Variants in FOXM1 observed in about 807,000 individuals in gnomAD.
FOXM1 encodes the protein forkhead box protein M1.
A neutral mutation model predicts 63.6 loss-of-function variants in FOXM1; 25 were observed. The observed-to-expected ratio is 0.39, with a 90% CI of 0.29 to 0.55. The LOEUF is 0.55. Ranked by LOEUF, FOXM1 falls within the 20% of genes least tolerant of loss-of-function variation. The pLI is 0.60. For missense variants in FOXM1, 879 were observed against 958.7 expected, an observed-to-expected ratio of 0.92 and a Z score of 1.10; for synonymous variants, 387 against 376.9, an observed-to-expected ratio of 1.03 and a Z score of -0.31.
Position 2,874,263 on chromosome 12 carries a change from G to T in FOXM1, c.216C>A (p.Asn72Lys). 2.5e-6 allele frequency: 4 copies of T among 1,614,206 alleles called. No individual in the cohort carries two copies. Among genetic ancestry groups the T allele is most frequent in the Non-Finnish European group, 3.4e-6 (4 of 1,180,048 alleles). Residue 72 changes from asparagine to lysine, a missense_variant, in exon 2 of 9, where the codon AAC becomes AAA. By Grantham distance (94) the Asn-to-Lys change is moderately conservative (BLOSUM62 0). Coordinates refer to ENST00000359843, the MANE Select transcript of FOXM1 (RefSeq NM_021953.4). The surrounding 1 kb of genome is among the most constrained non-coding windows in gnomAD (Gnocchi z 4.3). ...IKIINHPTMP[N>K]TQVVAIPNNA... ...TGTTGGGGATGGCCACTACTTGCGT[G>T]TTGGGCATGGTGGGGTGGTTAATAA... is the stretch of plus-strand genomic sequence containing the variant.
At chr12:2,861,502 TAAAC>T (rs2098113182) in intron 8 of FOXM1, 4 of 426,260 alleles carry the variant, frequency 9.4e-6, no homozygotes, top group Admixed American at 8.8e-5. Context: ...TGGCAGATAT[TAAAC>T]AGACTAATAA....
At position 2,866,373 on chromosome 12, in the gene FOXM1, G is replaced by A. The variant is rs768686024; in HGVS notation, c.975+20C>T. 7.0e-7 allele frequency: 1 copy of A among 1,436,710 alleles called. No individual in the cohort carries two copies. The highest frequency in any genetic ancestry group is 9.2e-7 in the Non-Finnish European group (1 of 1,090,350). The allele number at this position is 1,436,710 out of a possible 1,614,324, so 89.0% of individuals were successfully genotyped here. ...CAACCTCCAACTTAGGCCCTATTTAGAGGAAAGCAGGGCATTCACCTTAAA... is the reference window on the plus strand; with the variant it reads ...CAACCTCCAACTTAGGCCCTATTTAAAGGAAAGCAGGGCATTCACCTTAAA... On this transcript the variant is annotated intron_variant, in intron 5 of 8. Transcript: ENST00000359843.
chr12:2,868,794 T>G (rs1307909497), intron 3 of FOXM1, 40 bp from the exon 4 acceptor site: 2 of 1,538,156 alleles, frequency 1.3e-6, no homozygotes, highest in South Asian at 2.4e-5. Context: ...AAAGAGTTCA[T>G]GAGAAGCACC....
chr12:2,865,324 C>T, intron 6 of FOXM1, 31 bp downstream of exon 6: 1 of 1,594,322 alleles, frequency 6.3e-7, no homozygotes, highest in Non-Finnish European at 8.6e-7. Flanking sequence ...AAAACAAGGC[C>T]AAGCCCCGAG....
chr12:2,871,287 CTG>C (rs2098132876), intron 3 of FOXM1, among the ~76,000 whole-genome samples: 1 of 151,894 alleles, frequency 6.6e-6, no homozygotes, highest in Non-Finnish European at 1.5e-5. Context: ...ATATTGGTAA[CTG>C]TGGGAAAAAA....
In FOXM1 at chr12:2,859,066, C is replaced by T; in HGVS notation, c.1864G>A (p.Glu622Lys). The change falls in exon 9 of 9, where the codon GAA becomes AAA. Residue 622 changes from glutamate (E) to lysine (K), a missense_variant. Transcript: ENST00000359843. The stretch of plus-strand genomic sequence containing the variant: ...GCTGGGGGCGTGAGCCTCCAGGATT[C>T]AGGGGTTCTGGGGAGGACAGATTTG... Reference protein sequence around the residue: ...PSKSVLPRTPESWRLTPPAKV... With the variant: ...PSKSVLPRTPKSWRLTPPAKV... 6.2e-7 allele frequency: 1 copy of T among 1,608,080 alleles called. No individual in the cohort carries two copies. Among genetic ancestry groups the T allele is most frequent in the Non-Finnish European group, 8.5e-7 (1 of 1,177,348 alleles).
intron 4 of FOXM1, among the ~76,000 whole-genome samples, chr12:2,867,661 C>T: frequency 8.6e-6 from 1 of 116,814 alleles, no homozygotes; most frequent in Non-Finnish European, 1.8e-5. Flanking sequence ...GACTCCATCT[C>T]AAAAAAAAAA....
In FOXM1 at chr12:2,859,332, A is replaced by T. The variant is rs1475971498; in HGVS notation, c.1598T>A (p.Ile533Asn). 1 of 1,613,524 alleles carries T rather than the reference A, an allele frequency of 6.2e-7. No individual in the cohort carries two copies. The highest frequency in any genetic ancestry group is 1.7e-5 in the Admixed American group (1 of 59,968). Reference sequence around the variant, plus strand: ...CCTCTCCCTCCTCTCCCTGTGTTGAATCACAAGCATTTCCGAGACACACCG... The same window carrying T: ...CCTCTCCCTCCTCTCCCTGTGTTGATTCACAAGCATTTCCGAGACACACCG... Reference protein sequence around the residue: ...PTRCVSEMLVIQHRERRERSR... With the variant: ...PTRCVSEMLVNQHRERRERSR... The change falls in exon 9 of 9, where the codon ATT becomes AAT. Residue 533 changes from isoleucine to asparagine, a missense_variant. By Grantham distance (149) the Ile-to-Asn change is moderately radical (BLOSUM62 -3). Transcript: ENST00000359843.
Position 2,872,014 on chromosome 12 carries a change from A to C in FOXM1, c.654+82T>G, listed in dbSNP as rs1378291152. The C allele has an allele frequency of 6.9e-7, 1 of 1,457,562 alleles. No homozygotes were observed. Among genetic ancestry groups the C allele is most frequent in the Admixed American group, 1.7e-5 (1 of 59,568 alleles). 90.3% of individuals were successfully genotyped at this position (1,457,562 alleles called of 1,614,324 possible). A position where few individuals can be genotyped will look rare whatever the true frequency, so the allele number is the denominator to read the frequency against. ...TACCAGAACTTGGAAATTCTGGTCC[A>C]TCAGGCCACTTGATCCATTTCCCTA... On this transcript the variant is annotated intron_variant, in intron 3 of 8. Transcript: ENST00000359843. The surrounding 1 kb of genome is among the most constrained non-coding windows in gnomAD (Gnocchi z 4.0).
Position 2,859,676 on chromosome 12 carries a change from CAG to C in FOXM1, c.1267-15_1267-14del, listed in dbSNP as rs2098105593. ...CAGCTAGCAGCACCTGAAAGGGAAA[CAG>C]AGATAAGGTGAACCAACGGTCACCA... On this transcript the variant is annotated splice_polypyrimidine_tract_variant and intron_variant, in intron 8 of 8. Transcript: ENST00000359843. 6.3e-7 allele frequency: 1 copy of C among 1,593,340 alleles called. No individual in the cohort carries two copies. Among genetic ancestry groups the C allele is most frequent in the Non-Finnish European group, 8.5e-7 (1 of 1,171,916 alleles).
At chr12:2,870,187 G>T (rs539724090) in intron 3 of FOXM1, among the ~76,000 whole-genome samples, 27 of 151,672 alleles carry the variant, frequency 1.8e-4, no homozygotes, top group Non-Finnish European at 3.1e-4. Flanking sequence ...GCGGGGTCAG[G>T]CTGGTCTGGA....
chr12:2,875,755 T>C (rs1192039288), intron 1 of FOXM1, among the ~76,000 whole-genome samples: 1 of 148,712 alleles, frequency 6.7e-6, no homozygotes, highest in Admixed American at 6.6e-5. Context: ...TTGTTGATTT[T>C]TTTTAATTTT....
rs191748796 is a variant in FOXM1 at position 2,873,003 on chromosome 12, G to A, written c.503-756C>T. ...CAGGCATTCGAGGCTAGAGTGAGCC[G>A]TGATTGCGCCACTGCACTCTAGCCT... On this transcript the variant is annotated intron_variant, in intron 2 of 8. Coordinates refer to ENST00000359843, the MANE Select transcript of FOXM1 (RefSeq NM_021953.4). 2.8e-3 allele frequency among the ~76,000 whole-genome samples: 425 copies of A among 152,206 alleles called. 1 individual carries two copies. Among genetic ancestry groups the A allele is most frequent in the African/African-American group, 9.6e-3 (397 of 41,538 alleles).
At chr12:2,862,602 C>G (rs1477903217) in intron 8 of FOXM1, among the ~76,000 whole-genome samples, 1 of 152,142 alleles carries the variant, frequency 6.6e-6, no homozygotes, top group Non-Finnish European at 1.5e-5. Context: ...ACGATTATAG[C>G]TCATTGCAGC....
Position 2,859,097 on chromosome 12 carries a change from G to A in FOXM1, c.1833C>T (p.Thr611=), listed in dbSNP as rs202090024. 6.0e-5 allele frequency: 97 copies of A among 1,606,976 alleles called. 1 individual carries two copies. In the South Asian group the frequency reaches 8.9e-4, roughly 15 times the overall value. Residue 611 remains threonine (T), a synonymous_variant, in exon 9 of 9, where the codon ACC becomes ACT. Coordinates refer to ENST00000359843, the MANE Select transcript of FOXM1 (RefSeq NM_021953.4). ...PIKETLPISS[T]PSKSVLPRTP... Reference sequence around the variant, plus strand: ...TTCTGGGGAGGACAGATTTGCTCGGGGTGGAGGAGATGGGCAGCGTTTCCT... The same window carrying A: ...TTCTGGGGAGGACAGATTTGCTCGGAGTGGAGGAGATGGGCAGCGTTTCCT...
In FOXM1 at chr12:2,858,735, C is replaced by T; in HGVS notation, c.2195G>A (p.Ser732Asn). ...AAAGCTGATGTCCAGCAGGATCTTG[C>T]TGAGGCTGTCATTCATTGTGTCCAG... Reference protein sequence around the residue: ...LVLDTMNDSLSKILLDISFPG... With the variant: ...LVLDTMNDSLNKILLDISFPG... The change falls in exon 9 of 9, where the codon AGC (serine) becomes AAC (asparagine). Residue 732 changes from serine to asparagine, a missense_variant. Physicochemically the swap from Ser to Asn is conservative, Grantham distance 46 (BLOSUM62 1). Coordinates refer to ENST00000359843, the MANE Select transcript of FOXM1 (RefSeq NM_021953.4). 1 of 1,614,204 alleles carries T rather than the reference C, an allele frequency of 6.2e-7. No individual in the cohort carries two copies. Among genetic ancestry groups the T allele is most frequent in the Non-Finnish European group, 8.5e-7 (1 of 1,180,032 alleles).
chr12:2,873,837 CA>C (rs1410718931), intron 2 of FOXM1, 139 bp downstream of exon 2: 2 of 972,218 alleles, frequency 2.1e-6, no homozygotes, highest in Non-Finnish European at 3.0e-6. Flanking sequence ...CTCAGCCTCC[CA>C]AAGTGCTGGG....
rs2153934986 is a variant in FOXM1, at chr12:2,864,415, A to G, written c.1171T>C (p.Leu391=). 6.2e-7 allele frequency: 1 copy of G among 1,614,198 alleles called. No homozygotes were observed. Among genetic ancestry groups the G allele is most frequent in the East Asian group, 2.2e-5 (1 of 44,878 alleles). The change falls in exon 8 of 9, where the codon TTG becomes CTG. Residue 391 remains leucine, a synonymous_variant. Transcript: ENST00000359843. This position sits in a 1 kb window ranked among gnomAD's most constrained non-coding sequence, Gnocchi z 5.1. ...IQFPVNQSLV[L]QPSVKVPLPL... is the part of the protein sequence containing the mutation. ...AATGGCACCTTCACCGAGGGCTGCA[A>G]CACCAGTGACTGGTTCACCGGGAAC...
chr12:2,859,226 A>C lies in FOXM1; in HGVS notation c.1704T>G (p.Thr568=), dbSNP rs147746152. 4 of 1,613,116 alleles carry C rather than the reference A, an allele frequency of 2.5e-6. No homozygotes were observed. The highest frequency in any genetic ancestry group is 3.4e-6 in the Non-Finnish European group (4 of 1,179,696). The change falls in exon 9 of 9, where the codon ACT becomes ACG. Residue 568 remains threonine, a synonymous_variant. Transcript: ENST00000359843. ...PELLFSEGPS[T]SRWAAELPFP... ...ACGGGAGCTCTGCGGCCCAGCGGGA[A>C]GTACTGGGCCCCTCTGAGAAGAGCA...
Sources: allele counts gnomAD v4.1 joint callset (sites outside exome capture counted in the v4.1 genomes callset), GRCh38; gene constraint gnomAD v4.1.1; non-coding constraint Gnocchi (gnomAD v3.1); transcripts MANE v1.5; gene names NCBI Gene and HGNC (gene_info 2026-07-23, HGNC 2026-07-21).